Variants in SHLD1 observed in about 807,000 individuals in gnomAD.
SHLD1 encodes the protein RINN1-REV7-interacting novel NHEJ regulator 3.
Under a neutral mutation model 5.5 loss-of-function variants are expected in SHLD1, and 3 were observed. That is an observed-to-expected ratio of 0.54 (90% confidence interval 0.25 to 1.40). The LOEUF is 1.40. Ranked by LOEUF, SHLD1 falls within the 40% of genes most tolerant of loss-of-function variation. The pLI is 0.15. For synonymous variants in SHLD1, 92 were observed against 94.3 expected (o/e 0.98, Z 0.14); for missense variants, 210 against 244.4 (o/e 0.86, Z 0.94).
intron 2 of SHLD1, among the ~76,000 whole-genome samples, chr20:5,814,272 A>G (rs2087499313): frequency 6.6e-6 from 1 of 151,886 alleles, no homozygotes; most frequent in African/African-American, 2.4e-5. Flanking sequence ...AACACCTATT[A>G]TTACTGCTTT....
chr20:5,834,475 G>GT (rs1411340485), intron 2 of SHLD1, among the ~76,000 whole-genome samples: 2 of 151,572 alleles, frequency 1.3e-5, no homozygotes, highest in South Asian at 4.2e-4. Context: ...TTCTTTTTTT[G>GT]TTTTTTTAAT....
chr20:5,811,539 CA>C (rs547550802), intron 2 of SHLD1, among the ~76,000 whole-genome samples: 2,200 of 150,252 alleles, frequency 0.015, 22 homozygotes, highest in African/African-American at 0.024. Flanking sequence ...GAATGGTAGA[CA>C]AAAAAAAATG....
chr20:5,821,070 G>A (rs929227267), intron 2 of SHLD1, among the ~76,000 whole-genome samples: 5 of 152,164 alleles, frequency 3.3e-5, no homozygotes, highest in African/African-American at 9.7e-5. Context: ...TAGTCCTGTG[G>A]AAAATCTTTT....
At chr20:5,804,412 A>G (rs2087345549) in intron 2 of SHLD1, among the ~76,000 whole-genome samples, 2 of 151,930 alleles carry the variant, frequency 1.3e-5, no homozygotes, top group Admixed American at 6.6e-5. Context: ...ACTAGAAAAA[A>G]AAACCAAAAA....
chr20:5,853,338 C>T (rs2088036307), intron 2 of SHLD1, among the ~76,000 whole-genome samples: 2 of 152,216 alleles, frequency 1.3e-5, no homozygotes, highest in South Asian at 2.1e-4. Context: ...CCCAGCTACT[C>T]GGGAGGCTGA....
At chr20:5,843,862 C>G (rs2087895844) in intron 2 of SHLD1, among the ~76,000 whole-genome samples, 1 of 152,192 alleles carries the variant, frequency 6.6e-6, no homozygotes, top group African/African-American at 2.4e-5. Flanking sequence ...CCATGTATTC[C>G]TCACTTCTAG....
intron 2 of SHLD1, among the ~76,000 whole-genome samples, chr20:5,790,371 A>G (rs2087121134): frequency 6.6e-6 from 1 of 152,194 alleles, no homozygotes; most frequent in African/African-American, 2.4e-5. Flanking sequence ...CAAAAACAGC[A>G]AAAGCACTGA....
intron 2 of SHLD1, among the ~76,000 whole-genome samples, chr20:5,796,310 T>C (rs1228470501): frequency 2.6e-5 from 4 of 152,254 alleles, no homozygotes; most frequent in Non-Finnish European, 5.9e-5. Context: ...CTATTGGTCA[T>C]AGTTATTAAT....
rs1250263654 is a variant in SHLD1 at position 5,817,416 on chromosome 20, CTCTCTCTCTCTCTCTCTGTGTGTG to C, written c.178+44375_178+44398del. 3.7e-3 allele frequency among the ~76,000 whole-genome samples: 506 copies of C among 137,720 alleles called. 7 individuals carry two copies. Among genetic ancestry groups the C allele is most frequent in the African/African-American group, 0.014 (480 of 34,994 alleles). The allele number at this position is 137,720 out of a possible 152,430, so 90.3% of individuals were successfully genotyped here. ...ATTTTCTCTCTCTCTCTCTCTCTCTCTCTCTCTCTCTCTCTCTGTGTGTGTGTGTGTGTGTGTGTGTGTGTGTGT... is the reference window on the plus strand; with the variant it reads ...ATTTTCTCTCTCTCTCTCTCTCTCTCTGTGTGTGTGTGTGTGTGTGTGTGT... On this transcript the variant is annotated intron_variant, in intron 2 of 2. Transcript: ENST00000303142.
chr20:5,811,552 G>C (rs188202853), intron 2 of SHLD1, among the ~76,000 whole-genome samples: 32 of 152,126 alleles, frequency 2.1e-4, no homozygotes, highest in Non-Finnish European at 3.2e-4. Flanking sequence ...AAAAAAATGT[G>C]TTTTCAAGCT....
intron 2 of SHLD1, among the ~76,000 whole-genome samples, chr20:5,859,107 A>G (rs957193354): frequency 6.6e-6 from 1 of 152,136 alleles, no homozygotes; most frequent in Admixed American, 6.5e-5. Flanking sequence ...ATGGTCTGAG[A>G]AGGGAAAATG....
intron 2 of SHLD1, among the ~76,000 whole-genome samples, chr20:5,820,286 C>T (rs1488471023): frequency 4.6e-5 from 7 of 152,248 alleles, no homozygotes; most frequent in Admixed American, 4.6e-4. Flanking sequence ...CATTCAGCTT[C>T]ATGTCCCTGA....
intron 2 of SHLD1, among the ~76,000 whole-genome samples, chr20:5,782,201 G>A (rs55759533): frequency 0.026 from 4,020 of 152,202 alleles, 77 homozygotes; most frequent in Non-Finnish European, 0.04. Context: ...TTTCTTTCTC[G>A]TTTGCTGCTT....
chr20:5,849,049 T>A (rs2087966761), intron 2 of SHLD1, among the ~76,000 whole-genome samples: 1 of 152,230 alleles, frequency 6.6e-6, no homozygotes, highest in Admixed American at 6.5e-5. Flanking sequence ...TTTGTGAGGA[T>A]GTGGTTTTGT....
chr20:5,811,381 A>G (rs2087456685), intron 2 of SHLD1, among the ~76,000 whole-genome samples: 1 of 152,196 alleles, frequency 6.6e-6, no homozygotes, highest in Non-Finnish European at 1.5e-5. Flanking sequence ...ATATGCCCCC[A>G]GAAAGGTGAA....
chr20:5,795,361 C>T (rs2087196494), intron 2 of SHLD1, among the ~76,000 whole-genome samples: 1 of 151,998 alleles, frequency 6.6e-6, no homozygotes, highest in South Asian at 2.1e-4. Flanking sequence ...TTTTGGGAAG[C>T]CAAGGTGGGC....
intron 1 of SHLD1, among the ~76,000 whole-genome samples, chr20:5,752,029 G>A (rs6107684): frequency 1.3e-5 from 2 of 152,138 alleles, no homozygotes; most frequent in East Asian, 3.8e-4. Flanking sequence ...TAAGGGAGTT[G>A]TGTGGTTCAA....
At chr20:5,829,065 CAG>C (rs2087698540) in intron 2 of SHLD1, among the ~76,000 whole-genome samples, 1 of 149,314 alleles carries the variant, frequency 6.7e-6, no homozygotes, top group African/African-American at 2.4e-5. Context: ...TTTGTAGAGA[CAG>C]AGTCTCACTA....
At chr20:5,852,985 AG>A (rs2088031721) in intron 2 of SHLD1, among the ~76,000 whole-genome samples, 1 of 152,182 alleles carries the variant, frequency 6.6e-6, no homozygotes, top group African/African-American at 2.4e-5. Flanking sequence ...AAATGTACCA[AG>A]TTCCTGGGCT....
Sources: allele counts gnomAD v4.1 joint callset (sites outside exome capture counted in the v4.1 genomes callset), GRCh38; gene constraint gnomAD v4.1.1; transcripts MANE v1.5; gene names NCBI Gene and HGNC (gene_info 2026-07-23, HGNC 2026-07-21).